Variants in SLC39A11 observed in about 807,000 individuals in gnomAD.
SLC39A11 encodes solute carrier family 39 member 11.
In SLC39A11, 33 loss-of-function variants were observed where a neutral mutation model predicts 36.1. The observed-to-expected ratio is 0.91, with a 90% CI of 0.69 to 1.22. SLC39A11 has a LOEUF of 1.22. Ranked by LOEUF, SLC39A11 falls within the 50% of genes most tolerant of loss-of-function variation. SLC39A11 has a pLI of 0.00. For synonymous variants in SLC39A11, 166 were observed against 170.3 expected, an observed-to-expected ratio of 0.97 and a Z score of 0.20; for missense variants, 432 against 430.3, an observed-to-expected ratio of 1.00 and a Z score of -0.03.
At chr17:72,731,277 G>T (rs746545465) in intron 7 of SLC39A11, among the ~76,000 whole-genome samples, 6 of 152,128 alleles carry the variant, frequency 3.9e-5, no homozygotes, top group African/African-American at 1.4e-4. Context: ...TTGAACTGTC[G>T]TTTCTGTGTA....
At chr17:72,825,632 G>C (rs2077994946) in intron 6 of SLC39A11, among the ~76,000 whole-genome samples, 1 of 152,214 alleles carries the variant, frequency 6.6e-6, no homozygotes. Flanking sequence ...GCCTGGAAAA[G>C]CAGCCAAGAG....
chr17:72,793,913 G>C (rs2076803431), intron 6 of SLC39A11, among the ~76,000 whole-genome samples: 1 of 151,332 alleles, frequency 6.6e-6, no homozygotes, highest in South Asian at 2.1e-4. Context: ...GCAAGGCTGG[G>C]TTACAAATGA....
At chr17:72,693,297 G>A (rs1311084790) in intron 7 of SLC39A11, among the ~76,000 whole-genome samples, 1 of 98,274 alleles carries the variant, frequency 1.0e-5, no homozygotes, top group Non-Finnish European at 2.3e-5. Context: ...CTACAAAGCT[G>A]CAGGGAACAC....
intron 6 of SLC39A11, among the ~76,000 whole-genome samples, chr17:72,816,647 G>T (rs2077594100): frequency 6.6e-6 from 1 of 152,168 alleles, no homozygotes; most frequent in Non-Finnish European, 1.5e-5. Flanking sequence ...AGCTGGTCAT[G>T]CACAGAGAAA....
chr17:72,799,342 G>T (rs2077006583), intron 6 of SLC39A11, among the ~76,000 whole-genome samples: 1 of 152,092 alleles, frequency 6.6e-6, no homozygotes, highest in African/African-American at 2.4e-5. Flanking sequence ...ATGTCTGTTT[G>T]AACAATATGA....
intron 6 of SLC39A11, among the ~76,000 whole-genome samples, chr17:72,847,409 A>T (rs1204773168): frequency 0.025 from 3,786 of 148,684 alleles, 138 homozygotes; most frequent in African/African-American, 0.082. Context: ...CTCATAAAAA[A>T]AAAAAAAAAA....
intron 5 of SLC39A11, among the ~76,000 whole-genome samples, chr17:72,850,320 G>A (rs1170823215): frequency 6.6e-6 from 1 of 151,660 alleles, no homozygotes; most frequent in Non-Finnish European, 1.5e-5. Flanking sequence ...TAGGCGTGGT[G>A]GTATGCACCT....
intron 6 of SLC39A11, among the ~76,000 whole-genome samples, chr17:72,770,657 T>C (rs2075901480): frequency 1.3e-5 from 2 of 152,202 alleles, no homozygotes; most frequent in Admixed American, 6.5e-5. Context: ...AATCCCTTCT[T>C]GGAATCTGCT....
At chr17:72,850,702 C>T (rs1164206333) in intron 5 of SLC39A11, among the ~76,000 whole-genome samples, 2 of 152,086 alleles carry the variant, frequency 1.3e-5, no homozygotes, top group East Asian at 1.9e-4. Context: ...TTTTCTGATT[C>T]GTAAAACTAG....
intron 7 of SLC39A11, among the ~76,000 whole-genome samples, chr17:72,695,878 C>A (rs1598371268): frequency 6.6e-6 from 1 of 152,182 alleles, no homozygotes; most frequent in African/African-American, 2.4e-5. Context: ...CCAGAGCCTG[C>A]AGAGAGCACA....
chr17:72,819,366 G>C (rs2077691655), intron 6 of SLC39A11, among the ~76,000 whole-genome samples: 1 of 151,364 alleles, frequency 6.6e-6, no homozygotes. Context: ...AAGCAGCCCT[G>C]TGGCCACCTT....
chr17:72,742,503 G>A (rs1342487064), intron 6 of SLC39A11, among the ~76,000 whole-genome samples: 2 of 152,090 alleles, frequency 1.3e-5, no homozygotes, highest in African/African-American at 4.8e-5. Flanking sequence ...CAGTAACGGT[G>A]GGTCTGCAAG....
chr17:73,084,740 G>A (rs1265742467), intron 3 of SLC39A11, 68 bp downstream of exon 3: 2 of 1,536,820 alleles, frequency 1.3e-6, no homozygotes, highest in Non-Finnish European at 1.8e-6. Flanking sequence ...ACTGAAGACA[G>A]CCCTTGGCAG....
chr17:73,040,758 G>A (rs1430743264), intron 3 of SLC39A11, among the ~76,000 whole-genome samples: 2 of 152,094 alleles, frequency 1.3e-5, no homozygotes, highest in Admixed American at 6.6e-5. Context: ...GCTGAGGTGG[G>A]CAGATCACTT....
At chr17:73,081,631 A>C (rs1044462338) in intron 3 of SLC39A11, among the ~76,000 whole-genome samples, 1 of 71,956 alleles carries the variant, frequency 1.4e-5, no homozygotes, top group Non-Finnish European at 2.7e-5. Context: ...ATATATATAC[A>C]TACACACACA....
At chr17:72,738,887 T>C (rs181450331) in intron 6 of SLC39A11, among the ~76,000 whole-genome samples, 1 of 152,250 alleles carries the variant, frequency 6.6e-6, no homozygotes, top group Non-Finnish European at 1.5e-5. Flanking sequence ...ATTGTGACAC[T>C]GACTCCAGGA....
At chr17:72,882,111 G>A (rs2081220980) in intron 5 of SLC39A11, among the ~76,000 whole-genome samples, 1 of 152,174 alleles carries the variant, frequency 6.6e-6, no homozygotes, top group African/African-American at 2.4e-5. Context: ...CCAGCACTTT[G>A]GAAGGCCAAG....
rs151152266 is a variant in SLC39A11, at chr17:72,857,488, G to T, written c.431-7684C>A. Among the ~76,000 whole-genome samples, 61 of 152,210 alleles carry T rather than the reference G, an allele frequency of 4.0e-4. 1 individual carries two copies. The East Asian group carries it at 9.3e-3, about 23-fold the overall frequency. On this transcript the variant is annotated intron_variant, in intron 5 of 9. Transcript: ENST00000255559. ...TGGTGGAATGCTTTCTATTCCTTTG[G>T]GTATAAACCCAGTAATGGGATTGCT...
chr17:72,800,446 G>T (rs1824305426), intron 6 of SLC39A11, among the ~76,000 whole-genome samples: 1 of 151,814 alleles, frequency 6.6e-6, no homozygotes, highest in Non-Finnish European at 1.5e-5. Context: ...GAGTAGCTGG[G>T]ATTACAGGCA....
Sources: gnomAD v4.1 joint callset for allele counts (sites outside exome capture counted in the v4.1 genomes callset) on GRCh38, gnomAD v4.1.1 for gene constraint, MANE v1.5 for transcripts, NCBI Gene and HGNC (gene_info 2026-07-23, HGNC 2026-07-21) for gene names.